The following MINDY2 variants were observed in gnomAD, a reference collection of about 807,000 sequenced individuals.
MINDY2 encodes the protein ubiquitin carboxyl-terminal hydrolase MINDY-2.
Under a neutral mutation model 68.2 loss-of-function variants are expected in MINDY2, and 52 were observed. The ratio of observed to expected loss-of-function variants is 0.76; its 90% CI spans 0.61 to 0.96. The LOEUF (loss-of-function observed/expected upper bound fraction) is 0.96. MINDY2 is among the 40% of genes least tolerant of loss of function. MINDY2 has a pLI of 0.00. For missense variants in MINDY2, 881 were observed against 773.4 expected (o/e 1.14, Z -1.65); for synonymous variants, 372 against 303.0 (o/e 1.23, Z -2.36).
intron 2 of MINDY2, among the ~76,000 whole-genome samples, chr15:58,788,624 C>T (rs1348107297): frequency 6.6e-6 from 1 of 152,138 alleles, no homozygotes; most frequent in African/African-American, 2.4e-5. Context: ...CACATTGTGG[C>T]CTTTTATAAT....
At chr15:58,778,752 G>C (rs1253150253) in intron 1 of MINDY2, among the ~76,000 whole-genome samples, 2 of 150,282 alleles carry the variant, frequency 1.3e-5, no homozygotes, top group African/African-American at 4.9e-5. Context: ...TCAGCCTCCT[G>C]AGTAGCTGGG....
chr15:58,805,252 C>T (rs939778624), intron 3 of MINDY2, among the ~76,000 whole-genome samples: 14 of 142,852 alleles, frequency 9.8e-5, no homozygotes, highest in Non-Finnish European at 1.5e-5. Flanking sequence ...TATGGCTGGG[C>T]TGAGTCTAAG....
chr15:58,779,087 T>C (rs1900968287), intron 1 of MINDY2, among the ~76,000 whole-genome samples: 1 of 151,272 alleles, frequency 6.6e-6, no homozygotes. Flanking sequence ...TCTTTAGAGA[T>C]GTGTCTCACC....
chr15:58,804,588 G>T (rs925308999), intron 3 of MINDY2, among the ~76,000 whole-genome samples: 10 of 152,090 alleles, frequency 6.6e-5, no homozygotes, highest in South Asian at 2.1e-4. Context: ...CAGGCGGATT[G>T]CTTGAGCCCA....
chr15:58,847,715 G>C (rs2032606156), intron 7 of MINDY2, among the ~76,000 whole-genome samples: 1 of 152,216 alleles, frequency 6.6e-6, no homozygotes, highest in African/African-American at 2.4e-5. Flanking sequence ...TCTAATTGCA[G>C]TAGGAAAGCT....
chr15:58,837,251 T>C (rs2032037362), intron 6 of MINDY2, among the ~76,000 whole-genome samples: 1 of 152,114 alleles, frequency 6.6e-6, no homozygotes, highest in Non-Finnish European at 1.5e-5. Context: ...AGAGAATGTG[T>C]GATTTAATAA....
At chr15:58,802,462 T>TA (rs1327302229) in intron 3 of MINDY2, 85 bp downstream of exon 3, 54 of 828,078 alleles carry the variant, frequency 6.5e-5, no homozygotes, top group Middle Eastern at 3.6e-4. Context: ...AGCATTTTTC[T>TA]ATAAAGGATT....
chr15:58,819,346 G>A (rs989100696), intron 4 of MINDY2, among the ~76,000 whole-genome samples: 6 of 152,190 alleles, frequency 3.9e-5, no homozygotes, highest in African/African-American at 1.4e-4. Context: ...TATGCAGGAG[G>A]CTGAGGTGGA....
Position 58,771,579 on chromosome 15 carries a change from AGCCTCCCGGACTCG to A in MINDY2, c.187_200del (p.Leu63PhefsTer7), listed in dbSNP as rs752098631. 1.2e-6 allele frequency: 2 copies of A among 1,611,382 alleles called. No homozygotes were observed. Among genetic ancestry groups the A allele is most frequent in the Admixed American group, 3.3e-5 (2 of 59,972 alleles). On this transcript the variant is annotated frameshift_variant, in exon 1 of 9. Transcript: ENST00000559228. LOFTEE classifies it high-confidence loss of function. Reference sequence around the variant, plus strand: ...GCTGGGGGCGGCGGCCGCCAGGAGGAGCCTCCCGGACTCGGCTTCTCCCGCGGGCTCTCCTGAGG... The same window carrying A: ...GCTGGGGGCGGCGGCCGCCAGGAGGAGCTTCTCCCGCGGGCTCTCCTGAGG...
chr15:58,785,682 T>C lies in MINDY2; in HGVS notation c.841-2224T>C, dbSNP rs531714279. Among the ~76,000 whole-genome samples the C allele has an allele frequency of 3.3e-5, 5 of 152,250 alleles. No homozygotes were observed. The South Asian group carries it at 1.0e-3, about 32-fold the overall frequency. On this transcript the variant is annotated intron_variant, in intron 1 of 8. Coordinates refer to ENST00000559228, the MANE Select transcript of MINDY2 (RefSeq NM_001040450.3). ...AAAACTGCTTTAAAAAAATAATCTA[T>C]CGAATTTTTTTTTAAACAGAGTCTC...
chr15:58,819,707 C>G (rs1595748073), intron 4 of MINDY2, among the ~76,000 whole-genome samples: 1 of 152,110 alleles, frequency 6.6e-6, no homozygotes, highest in African/African-American at 2.4e-5. Flanking sequence ...TTTGAAAAGA[C>G]TTACTGAAGT....
At chr15:58,785,851 GTTT>G (rs1217571601) in intron 1 of MINDY2, among the ~76,000 whole-genome samples, 1 of 151,906 alleles carries the variant, frequency 6.6e-6, no homozygotes, top group Non-Finnish European at 1.5e-5. Flanking sequence ...TAATTTTTGT[GTTT>G]TTTTAGTAAA....
chr15:58,795,017 T>C (rs1232116013), intron 2 of MINDY2, among the ~76,000 whole-genome samples: 1 of 151,418 alleles, frequency 6.6e-6, no homozygotes, highest in South Asian at 2.1e-4. Context: ...CTACTAAAAA[T>C]ACAAAAAAAT....
At chr15:58,801,380 TAAAAAAAAA>T (rs1188514448) in intron 2 of MINDY2, among the ~76,000 whole-genome samples, 1 of 22,618 alleles carries the variant, frequency 4.4e-5, no homozygotes, top group Non-Finnish European at 8.3e-5. Context: ...CCCCATCTCT[TAAAAAAAAA>T]AAAAAAAAAA....
intron 4 of MINDY2, among the ~76,000 whole-genome samples, chr15:58,820,443 CA>C (rs1313993928): frequency 0.076 from 6,661 of 88,214 alleles, 181 homozygotes; most frequent in African/African-American, 0.14. Flanking sequence ...GACTCCATCT[CA>C]AAAAAAAAAA....
At chr15:58,834,997 A>G (rs1301905432) in intron 6 of MINDY2, among the ~76,000 whole-genome samples, 1 of 152,194 alleles carries the variant, frequency 6.6e-6, no homozygotes. Flanking sequence ...ATACATGGTG[A>G]ATACTGCTAA....
Position 58,831,818 on chromosome 15 carries a change from A to T in MINDY2, c.1270A>T (p.Thr424Ser). 6.2e-7 allele frequency: 1 copy of T among 1,613,686 alleles called. No homozygotes were observed. The highest frequency in any genetic ancestry group is 2.2e-5 in the East Asian group (1 of 44,772). ...QFLNNTATQL[T>S]YHGLCELTST... ...TCTAAATAACACAGCCACTCAACTG[A>T]CATACCATGGATTATGTGAACTAAC... Residue 424 changes from threonine (T) to serine (S), a missense_variant, in exon 6 of 9, where the codon ACA (threonine) becomes TCA (serine). By Grantham distance (58) the Thr-to-Ser change is moderately conservative (BLOSUM62 1). Coordinates refer to ENST00000559228, the MANE Select transcript of MINDY2 (RefSeq NM_001040450.3).
At chr15:58,852,932 T>G (rs867635399) in intron 8 of MINDY2, among the ~76,000 whole-genome samples, 47 of 22,300 alleles carry the variant, frequency 2.1e-3, no homozygotes, top group South Asian at 0.01. Flanking sequence ...GTTTTTTTTT[T>G]TTTTTTTTTT....
intron 3 of MINDY2, 149 bp from the exon 4 acceptor site, chr15:58,810,081 A>C: frequency 4.3e-6 from 3 of 691,492 alleles, no homozygotes. Context: ...AGCTTCTGAC[A>C]CATAGTAGAT....
Sources: gnomAD v4.1 joint callset for allele counts (sites outside exome capture counted in the v4.1 genomes callset) on GRCh38, gnomAD v4.1.1 for gene constraint, MANE v1.5 for transcripts, NCBI Gene and HGNC (gene_info 2026-07-23, HGNC 2026-07-21) for gene names.